The following CPS1 variants were observed in gnomAD, a reference collection of about 807,000 sequenced individuals.
CPS1 encodes carbamoyl-phosphate synthase 1, also known as carbamoyl-phosphate synthase [ammonia], mitochondrial.
Under a neutral mutation model 174.6 loss-of-function variants are expected in CPS1, and 109 were observed. The observed-to-expected ratio is 0.62, with a 90% CI of 0.53 to 0.73. The LOEUF is 0.73. Ranked by LOEUF, CPS1 falls within the 30% of genes least tolerant of loss-of-function variation. The pLI is 0.00. For missense variants in CPS1, 1,689 were observed against 1,821.9 expected (o/e 0.93, Z 1.33); for synonymous variants, 637 against 632.0 (o/e 1.01, Z -0.12).
At chr2:210,571,855 TTGTGTGTGTGTGTGTGTGTGTGTGTG>T (rs71043997) in intron 1 of CPS1, among the ~76,000 whole-genome samples, 40,290 of 139,938 alleles carry the variant, frequency 0.29, 6,527 homozygotes, top group Middle Eastern at 0.41. Context: ...CTACTAAAGT[TTGTGTGTGTGTGTGTGTGTGTGTGTG>T]TGTGTGTGTG....
At chr2:210,527,018 T>C (rs1334008383) in intron 1 of CPS1, among the ~76,000 whole-genome samples, 2 of 152,088 alleles carry the variant, frequency 1.3e-5, no homozygotes, top group East Asian at 1.9e-4. Flanking sequence ...TTAAAAGTAA[T>C]GGCAAAACCA....
At position 210,576,405 on chromosome 2, in the gene CPS1, C is replaced by A; in HGVS notation, c.296C>A (p.Pro99His). ...YKGQILTMAN[P>H]IIGNGGAPDT... The stretch of plus-strand genomic sequence containing the variant: ...GGACAGATTCTCACAATGGCCAACC[C>A]TATTATTGGGAATGGTGGAGCTCCT... Residue 99 changes from proline (P) to histidine (H), a missense_variant, in exon 3 of 38, where the codon CCT (proline) becomes CAT (histidine). Physicochemically the swap from Pro to His is moderately conservative, Grantham distance 77 (BLOSUM62 -2). Coordinates refer to ENST00000233072, the MANE Select transcript of CPS1 (RefSeq NM_001875.5). The A allele has an allele frequency of 6.2e-7, 1 of 1,613,740 alleles. No individual in the cohort carries two copies.
chr2:210,590,725 C>A, intron 8 of CPS1, 75 bp from the exon 9 acceptor site: 2 of 1,097,342 alleles, frequency 1.8e-6, no homozygotes, highest in East Asian at 2.4e-5. Flanking sequence ...AAAAGGATAC[C>A]TCATTTTTGT....
At chr2:210,629,924 T>C (rs1699814162) in intron 21 of CPS1, among the ~76,000 whole-genome samples, 2 of 151,032 alleles carry the variant, frequency 1.3e-5, no homozygotes, top group South Asian at 4.2e-4. Context: ...AAAAATAAAA[T>C]TAGCCGGGCG....
In CPS1 at chr2:210,669,430, G is replaced by T. The variant is rs142612549; in HGVS notation, c.4101+1146G>T. Among the ~76,000 whole-genome samples, 112 of 152,106 alleles carry T rather than the reference G, an allele frequency of 7.4e-4. 1 individual carries two copies. The East Asian group carries it at 0.019, about 26-fold the overall frequency. On this transcript the variant is annotated intron_variant, in intron 34 of 37. Coordinates refer to ENST00000233072, the MANE Select transcript of CPS1 (RefSeq NM_001875.5). ...TGTGCTTTTAATAAGCTCAAACTCTGCATGGCTACATAAAAATCAATAAAA... is the reference window on the plus strand; with the variant it reads ...TGTGCTTTTAATAAGCTCAAACTCTTCATGGCTACATAAAAATCAATAAAA...
At chr2:210,660,754 C>T in intron 32 of CPS1, 99 bp downstream of exon 32, 1 of 1,177,774 alleles carries the variant, frequency 8.5e-7, no homozygotes, top group Non-Finnish European at 1.2e-6. Flanking sequence ...AACCTTCTAA[C>T]TAAAGGGTTG....
chr2:210,481,268 C>T (rs1033492189), intron 1 of CPS1, among the ~76,000 whole-genome samples: 1 of 152,192 alleles, frequency 6.6e-6, no homozygotes, highest in East Asian at 1.9e-4. Flanking sequence ...GTGTCTTTAA[C>T]GAGAAAAAAG....
At position 210,590,829 on chromosome 2, in the gene CPS1, G is replaced by T; in HGVS notation, c.870G>T (p.Leu290Phe). The change falls in exon 9 of 38, where the codon TTG (leucine) becomes TTT (phenylalanine). Residue 290 changes from leucine (L) to phenylalanine (F), a missense_variant. Coordinates refer to ENST00000233072, the MANE Select transcript of CPS1 (RefSeq NM_001875.5). ...KILESDRKEP[L>F]FGISTGNLIT... ...TGGAGAGTGATCGCAAGGAGCCATTGTTTGGAATCAGTACAGGAAACTTAA... is the reference window on the plus strand; with the variant it reads ...TGGAGAGTGATCGCAAGGAGCCATTTTTTGGAATCAGTACAGGAAACTTAA... 1 of 1,611,056 alleles carries T rather than the reference G, an allele frequency of 6.2e-7. No individual in the cohort carries two copies. Among genetic ancestry groups the T allele is most frequent in the Non-Finnish European group, 8.5e-7 (1 of 1,178,038 alleles).
In CPS1 at chr2:210,668,205, G is replaced by T. The variant is rs768582601; in HGVS notation, c.4022G>T (p.Gly1341Val). The T allele has an allele frequency of 1.9e-6, 3 of 1,613,456 alleles. No individual in the cohort carries two copies. Among genetic ancestry groups the T allele is most frequent in the Non-Finnish European group, 1.7e-6 (2 of 1,179,700 alleles). ...STGEVACFGE[G>V]IHTAFLKAML... ...AAACAGGTGGCTTGCTTTGGTGAAG[G>T]TATTCATACAGCCTTCCTAAAGGCA... is the stretch of plus-strand genomic sequence containing the variant. Residue 1341 changes from glycine (G) to valine (V), a missense_variant, in exon 34 of 38, where the codon GGT (glycine) becomes GTT (valine). By Grantham distance (109) the Gly-to-Val change is moderately radical. Coordinates refer to ENST00000233072, the MANE Select transcript of CPS1 (RefSeq NM_001875.5).
chr2:210,662,569 C>G (rs1700959394), intron 32 of CPS1, among the ~76,000 whole-genome samples: 1 of 152,202 alleles, frequency 6.6e-6, no homozygotes, highest in Admixed American at 6.5e-5. Flanking sequence ...CTCCTATACT[C>G]TAGTTCATAT....
At chr2:210,521,619 A>G (rs112092198) in intron 1 of CPS1, among the ~76,000 whole-genome samples, 2,418 of 152,124 alleles carry the variant, frequency 0.016, 51 homozygotes, top group African/African-American at 0.05. Flanking sequence ...AGTTAATCCC[A>G]TCCAGCAGAT....
At chr2:210,572,413 G>A (rs1697531418) in intron 1 of CPS1, among the ~76,000 whole-genome samples, 1 of 151,866 alleles carries the variant, frequency 6.6e-6, no homozygotes, top group African/African-American at 2.4e-5. Flanking sequence ...TGTCTCCTAA[G>A]GTGTAGTTGA....
intron 1 of CPS1, among the ~76,000 whole-genome samples, chr2:210,498,631 G>T (rs528102499): frequency 6.6e-6 from 1 of 152,106 alleles, no homozygotes; most frequent in Non-Finnish European, 1.5e-5. Context: ...TACTTATTTG[G>T]ATGCCTTTTA....
chr2:210,537,891 C>T (rs1320562906), intron 1 of CPS1, among the ~76,000 whole-genome samples: 1 of 152,126 alleles, frequency 6.6e-6, no homozygotes, highest in Non-Finnish European at 1.5e-5. Flanking sequence ...TTAGATAGAA[C>T]TACAGGCTAT....
At chr2:210,507,943 C>A (rs1392321010) in intron 1 of CPS1, among the ~76,000 whole-genome samples, 2 of 151,752 alleles carry the variant, frequency 1.3e-5, no homozygotes, top group South Asian at 2.1e-4. Flanking sequence ...ACTTTAACAC[C>A]CCACTGTCAA....
At chr2:210,614,513 C>G (rs1699236764) in intron 20 of CPS1, among the ~76,000 whole-genome samples, 1 of 151,966 alleles carries the variant, frequency 6.6e-6, no homozygotes, top group Non-Finnish European at 1.5e-5. Context: ...TACACTCCCA[C>G]CAGCTGTGTA....
Position 210,600,571 on chromosome 2 carries a change from G to A in CPS1, c.1566G>A (p.Lys522=). The change falls in exon 15 of 38, where the codon AAG becomes AAA. Residue 522 remains lysine (K), a synonymous_variant. Transcript: ENST00000233072. ...CTTCTTTAGGAGTGGAACTATTCAA[G>A]AGAGGTGTGCTCAAGGAATATGGTG... ...TALNCGVELF[K]RGVLKEYGVK... is the part of the protein sequence containing the mutation. 1 of 1,612,112 alleles carries A rather than the reference G, an allele frequency of 6.2e-7. No individual in the cohort carries two copies. The highest frequency in any genetic ancestry group is 8.5e-7 in the Non-Finnish European group (1 of 1,178,784).
intron 34 of CPS1, among the ~76,000 whole-genome samples, chr2:210,670,378 A>G (rs1393923803): frequency 6.6e-6 from 1 of 152,102 alleles, no homozygotes; most frequent in East Asian, 1.9e-4. Context: ...AAAAAGCGTG[A>G]CAGAATATAC....
Position 210,656,509 on chromosome 2 carries a change from T to A in CPS1, c.3559-16T>A, listed in dbSNP as rs762366532. The A allele has an allele frequency of 3.2e-5, 51 of 1,578,720 alleles. 1 individual carries two copies. The highest frequency in any genetic ancestry group is 4.4e-5 in the Non-Finnish European group (51 of 1,157,158). On this transcript the variant is annotated splice_polypyrimidine_tract_variant and intron_variant, in intron 29 of 37. Transcript: ENST00000233072. Reference sequence around the variant, plus strand: ...GAAAACTTTTTCTAAAATCCTTTTTTTTTTTTTTTGGCCAGGTTATCTCTC... The same window carrying A: ...GAAAACTTTTTCTAAAATCCTTTTTATTTTTTTTTGGCCAGGTTATCTCTC...
Sources: allele counts gnomAD v4.1 joint callset (sites outside exome capture counted in the v4.1 genomes callset), GRCh38; gene constraint gnomAD v4.1.1; transcripts MANE v1.5; gene names NCBI Gene and HGNC (gene_info 2026-07-23, HGNC 2026-07-21).